The following LTBP2 variants were observed in gnomAD, a reference collection of about 807,000 sequenced individuals.
LTBP2 encodes the protein latent-transforming growth factor beta-binding protein 2.
In LTBP2, 103 loss-of-function variants were observed where a neutral mutation model predicts 210.6. The observed-to-expected ratio is 0.49, with a 90% CI of 0.42 to 0.58. The LOEUF (loss-of-function observed/expected upper bound fraction) is 0.58. Ranked by LOEUF, LTBP2 falls within the 20% of genes least tolerant of loss-of-function variation. The pLI is 0.00. For missense variants in LTBP2, 2,313 were observed against 2,494.5 expected, an observed-to-expected ratio of 0.93 and a Z score of 1.55; for synonymous variants, 1,007 against 1,015.0, an observed-to-expected ratio of 0.99 and a Z score of 0.15.
At chr14:74,504,155 G>T in intron 30 of LTBP2, 101 bp from the exon 31 acceptor site, 1 of 1,471,768 alleles carries the variant, frequency 6.8e-7, no homozygotes, top group Non-Finnish European at 9.3e-7. Flanking sequence ...TCCCAGCTCT[G>T]CCACTTACTA....
intron 8 of LTBP2, among the ~76,000 whole-genome samples, chr14:74,542,561 C>T (rs953319833): frequency 1.3e-5 from 2 of 152,160 alleles, no homozygotes; most frequent in African/African-American, 2.4e-5. Context: ...ACATGCCTGG[C>T]GAGGCCAAGC....
At chr14:74,534,335 G>A (rs2087391455) in intron 9 of LTBP2, among the ~76,000 whole-genome samples, 1 of 152,172 alleles carries the variant, frequency 6.6e-6, no homozygotes, top group African/African-American at 2.4e-5. Flanking sequence ...TGGCAGACAT[G>A]TGGCATCTCC....
At chr14:74,567,117 T>C (rs936874357) in intron 3 of LTBP2, among the ~76,000 whole-genome samples, 1 of 152,176 alleles carries the variant, frequency 6.6e-6, no homozygotes, top group African/African-American at 2.4e-5. Flanking sequence ...AGGCATGAGC[T>C]CTGCGTGTCG....
chr14:74,528,877 G>A, intron 11 of LTBP2, 81 bp downstream of exon 11: 3 of 1,567,216 alleles, frequency 1.9e-6, no homozygotes, highest in Admixed American at 1.8e-5. Context: ...CAGATTGAGG[G>A]AAGTCTACCC....
At chr14:74,527,230 A>G in intron 13 of LTBP2, 117 bp downstream of exon 13, 2 of 1,294,582 alleles carry the variant, frequency 1.5e-6, no homozygotes, top group Non-Finnish European at 2.2e-6. Context: ...AATCTAACAG[A>G]TACTCCATCT....
chr14:74,587,172 A>C (rs2088218410), intron 2 of LTBP2, among the ~76,000 whole-genome samples: 1 of 152,100 alleles, frequency 6.6e-6, no homozygotes, highest in African/African-American at 2.4e-5. Context: ...TGGGGAACAC[A>C]TGTGAGCCCC....
chr14:74,506,872 T>TGCGC (rs1555347774), intron 26 of LTBP2, 49 bp from the exon 27 acceptor site: 2 of 1,500,952 alleles, frequency 1.3e-6, no homozygotes, highest in East Asian at 2.5e-5. Flanking sequence ...TGTGTGTGTG[T>TGCGC]GTGTGTGCGC....
rs1275538197 is a variant in LTBP2 at position 74,509,365 on chromosome 14, TGCAG to T, written c.3278-6_3278-3del. The stretch of plus-strand genomic sequence containing the variant: ...CCGGGAAGGCACACTCATCTAGGTC[TGCAG>T]ACAGACAGCGCTCGCCCGGGGACCT... On this transcript the variant is annotated splice_polypyrimidine_tract_variant and splice_region_variant and intron_variant, in intron 21 of 35. Transcript: ENST00000261978. The T allele has an allele frequency of 1.2e-6, 2 of 1,613,270 alleles. No homozygotes were observed. The highest frequency in any genetic ancestry group is 2.2e-5 in the South Asian group (2 of 91,082).
At chr14:74,573,680 G>A (rs1242985717) in intron 3 of LTBP2, among the ~76,000 whole-genome samples, 2 of 152,200 alleles carry the variant, frequency 1.3e-5, no homozygotes, top group African/African-American at 2.4e-5. Flanking sequence ...ATTATTCATT[G>A]TTTTCTCTTG....
intron 8 of LTBP2, among the ~76,000 whole-genome samples, chr14:74,540,047 A>C (rs2087472806): frequency 6.6e-6 from 1 of 152,082 alleles, no homozygotes; most frequent in Non-Finnish European, 1.5e-5. Flanking sequence ...TCTCTGGGGA[A>C]ACTCCCATTT....
chr14:74,571,282 C>T (rs1165184580), intron 3 of LTBP2, among the ~76,000 whole-genome samples: 2 of 152,040 alleles, frequency 1.3e-5, no homozygotes, highest in Non-Finnish European at 2.9e-5. Context: ...TGCAGTGAGC[C>T]GAGGTCATGC....
rs369037538 is a variant in LTBP2, at chr14:74,506,656, C to T, written c.4033+42G>A. On this transcript the variant is annotated intron_variant, in intron 27 of 35. Transcript: ENST00000261978. ...TGAGGAGGAGGACCCCAGGGCCTTC[C>T]CTTCCCTGGCCCAGACCTTGGGTAG... 2.9e-4 allele frequency: 460 copies of T among 1,609,736 alleles called. 6 individuals carry two copies. In the South Asian group the frequency reaches 4.3e-3, roughly 15 times the overall value.
chr14:74,558,956 C>T (rs896030326), intron 3 of LTBP2, among the ~76,000 whole-genome samples: 3 of 152,184 alleles, frequency 2.0e-5, no homozygotes, highest in African/African-American at 4.8e-5. Flanking sequence ...TCAGAATCCT[C>T]ATCACTGAAA....
chr14:74,566,626 A>G (rs11622583), intron 3 of LTBP2, among the ~76,000 whole-genome samples: 55,824 of 152,164 alleles, frequency 0.37, 12,424 homozygotes, highest in Non-Finnish European at 0.5. Context: ...GAGTAGGGAC[A>G]GCATGTTCAA....
At chr14:74,558,187 G>C (rs1004438025) in intron 3 of LTBP2, among the ~76,000 whole-genome samples, 9 of 152,160 alleles carry the variant, frequency 5.9e-5, no homozygotes, top group Non-Finnish European at 1.0e-4. Context: ...ATCACCTAAG[G>C]TCAGGAGTTC....
chr14:74,524,736 G>A (rs577793929), intron 15 of LTBP2, among the ~76,000 whole-genome samples: 2 of 152,304 alleles, frequency 1.3e-5, no homozygotes, highest in South Asian at 2.1e-4. Context: ...GCAGCTGCTC[G>A]CTGCCAGGCA....
chr14:74,539,378 C>T (rs2087463148), intron 8 of LTBP2, among the ~76,000 whole-genome samples: 1 of 152,150 alleles, frequency 6.6e-6, no homozygotes, highest in Non-Finnish European at 1.5e-5. Flanking sequence ...GGTGAGCCAG[C>T]AGGCCGGAAA....
intron 1 of LTBP2, among the ~76,000 whole-genome samples, chr14:74,606,425 T>A (rs1384558554): frequency 6.6e-6 from 1 of 152,252 alleles, no homozygotes; most frequent in Admixed American, 6.5e-5. Context: ...CCAGTTACCC[T>A]ATGGATTTCA....
chr14:74,537,452 C>T (rs1478663509), intron 8 of LTBP2, among the ~76,000 whole-genome samples: 1 of 152,170 alleles, frequency 6.6e-6, no homozygotes, highest in East Asian at 1.9e-4. Flanking sequence ...ATAAATATAC[C>T]ATGATATTTC....
Sources: allele counts gnomAD v4.1 joint callset (sites outside exome capture counted in the v4.1 genomes callset), GRCh38; gene constraint gnomAD v4.1.1; transcripts MANE v1.5; gene names NCBI Gene and HGNC (gene_info 2026-07-23, HGNC 2026-07-21).